SLC14A2: variants seen among roughly 807,000 people sequenced by gnomAD.
SLC14A2 encodes the protein urea transporter 2.
Under a neutral mutation model 104.6 loss-of-function variants are expected in SLC14A2, and 91 were observed. The ratio of observed to expected loss-of-function variants is 0.87; its 90% confidence interval spans 0.73 to 1.04. SLC14A2 has a LOEUF of 1.04. Ranked by LOEUF, SLC14A2 falls within the 50% of genes least tolerant of loss-of-function variation. The pLI, the probability that SLC14A2 is intolerant of heterozygous loss-of-function variation, is 0.00. For synonymous variants in SLC14A2, 476 were observed against 466.4 expected (o/e 1.02, Z -0.27); for missense variants, 1,189 against 1,156.0 (o/e 1.03, Z -0.41).
chr18:45,223,252 C>T (rs774859291), intron 1 of SLC14A2, among the ~76,000 whole-genome samples: 14 of 152,094 alleles, frequency 9.2e-5, no homozygotes, highest in Admixed American at 1.3e-4. Context: ...GCTGGGAGCT[C>T]ACAATCACTG....
chr18:45,433,263 G>A (rs1036518354), intron 1 of SLC14A2, among the ~76,000 whole-genome samples: 1 of 152,134 alleles, frequency 6.6e-6, no homozygotes, highest in African/African-American at 2.4e-5. Flanking sequence ...CTGTTGTGAA[G>A]GTTAAATGCA....
At chr18:45,439,242 G>C (rs2086644913) in intron 1 of SLC14A2, among the ~76,000 whole-genome samples, 1 of 152,094 alleles carries the variant, frequency 6.6e-6, no homozygotes, top group Admixed American at 6.5e-5. Flanking sequence ...AGGCACCACT[G>C]TACTCCAGCC....
intron 1 of SLC14A2, among the ~76,000 whole-genome samples, chr18:45,227,365 G>A (rs143602149): frequency 6.6e-6 from 1 of 152,208 alleles, no homozygotes; most frequent in African/African-American, 2.4e-5. Context: ...CATTTGTGCT[G>A]TTATAACAGA....
chr18:45,303,302 G>A (rs1396787636), intron 1 of SLC14A2, among the ~76,000 whole-genome samples: 1 of 152,238 alleles, frequency 6.6e-6, no homozygotes, highest in Non-Finnish European at 1.5e-5. Flanking sequence ...AGTGGTTGAA[G>A]TATGGCTGCT....
intron 2 of SLC14A2, among the ~76,000 whole-genome samples, chr18:45,574,440 G>A (rs2044392280): frequency 6.6e-6 from 1 of 152,156 alleles, no homozygotes; most frequent in South Asian, 2.1e-4. Context: ...GAGGTGGTTT[G>A]GGAGTGGAGT....
chr18:45,631,941 T>C (rs1419586412), intron 4 of SLC14A2, among the ~76,000 whole-genome samples: 1 of 152,088 alleles, frequency 6.6e-6, no homozygotes, highest in African/African-American at 2.4e-5. Context: ...CTTTACACAA[T>C]GTAATCATAA....
chr18:45,594,856 C>A (rs558992029), intron 2 of SLC14A2, among the ~76,000 whole-genome samples: 7 of 152,278 alleles, frequency 4.6e-5, no homozygotes, highest in South Asian at 2.1e-4. Context: ...GGCTCCACCA[C>A]CCCCAGCAGC....
chr18:45,407,009 T>A (rs752134834), intron 1 of SLC14A2, among the ~76,000 whole-genome samples: 1 of 152,090 alleles, frequency 6.6e-6, no homozygotes, highest in African/African-American at 2.4e-5. Flanking sequence ...TTGGCTTCCA[T>A]TGAAATTCAT....
At chr18:45,470,183 G>A (rs546888759) in intron 1 of SLC14A2, among the ~76,000 whole-genome samples, 3 of 152,132 alleles carry the variant, frequency 2.0e-5, no homozygotes, top group Admixed American at 6.5e-5. Context: ...ATCATTGCAG[G>A]TTTCAATAAA....
chr18:45,333,442 T>G (rs1033682615), intron 1 of SLC14A2, among the ~76,000 whole-genome samples: 1 of 152,224 alleles, frequency 6.6e-6, no homozygotes, highest in Non-Finnish European at 1.5e-5. Context: ...GGTATTTTCT[T>G]GAAATTCAAA....
chr18:45,479,616 C>G (rs2087453940), intron 1 of SLC14A2, among the ~76,000 whole-genome samples: 1 of 152,196 alleles, frequency 6.6e-6, no homozygotes, highest in Non-Finnish European at 1.5e-5. Flanking sequence ...CAGGAAAACT[C>G]TATATAGTCG....
intron 1 of SLC14A2, among the ~76,000 whole-genome samples, chr18:45,297,482 A>G (rs116400224): frequency 6.6e-6 from 1 of 152,230 alleles, no homozygotes; most frequent in Non-Finnish European, 1.5e-5. Context: ...ATGAGTGGGT[A>G]GCATGTCAGC....
chr18:45,387,233 G>C (rs1480842839), intron 1 of SLC14A2, among the ~76,000 whole-genome samples: 2 of 152,140 alleles, frequency 1.3e-5, no homozygotes, highest in African/African-American at 4.8e-5. Flanking sequence ...ACTTATATCA[G>C]TCAAAATAGG....
At chr18:45,400,828 G>A (rs2086088007) in intron 1 of SLC14A2, among the ~76,000 whole-genome samples, 1 of 152,086 alleles carries the variant, frequency 6.6e-6, no homozygotes, top group Non-Finnish European at 1.5e-5. Flanking sequence ...TTTATTCAAT[G>A]GATCATAACT....
intron 2 of SLC14A2, among the ~76,000 whole-genome samples, chr18:45,557,249 T>A (rs1213426726): frequency 6.6e-6 from 1 of 152,180 alleles, no homozygotes; most frequent in Non-Finnish European, 1.5e-5. Flanking sequence ...TCTCACCCCA[T>A]CATCTCATGC....
chr18:45,255,769 AAT>A (rs962765845), intron 1 of SLC14A2, among the ~76,000 whole-genome samples: 1 of 151,922 alleles, frequency 6.6e-6, no homozygotes, highest in African/African-American at 2.4e-5. Flanking sequence ...GCAGGGGGAA[AAT>A]ATATATATAT....
intron 2 of SLC14A2, among the ~76,000 whole-genome samples, chr18:45,568,401 C>T (rs554238617): frequency 6.6e-6 from 1 of 152,354 alleles, no homozygotes; most frequent in East Asian, 1.9e-4. Flanking sequence ...CTTCAGGGGA[C>T]GTGCTGTCTA....
intron 2 of SLC14A2, among the ~76,000 whole-genome samples, chr18:45,574,893 A>G (rs183019860): frequency 6.6e-5 from 10 of 152,290 alleles, no homozygotes; most frequent in African/African-American, 1.7e-4. Context: ...CATGTGTCCA[A>G]GCTTTTCTAC....
intron 1 of SLC14A2, among the ~76,000 whole-genome samples, chr18:45,245,400 C>A (rs1010368004): frequency 3.9e-5 from 6 of 152,228 alleles, no homozygotes; most frequent in Non-Finnish European, 5.9e-5. Flanking sequence ...TCTCTTATCA[C>A]CATCGCTGTG....
Sources: gnomAD v4.1 joint callset for allele counts (sites outside exome capture counted in the v4.1 genomes callset) on GRCh38, gnomAD v4.1.1 for gene constraint, MANE v1.5 for transcripts, NCBI Gene and HGNC (gene_info 2026-07-23, HGNC 2026-07-21) for gene names.